Variants in KCNH1 observed in about 807,000 individuals in gnomAD.
KCNH1 encodes the protein potassium voltage-gated channel subfamily H member 1.
A neutral mutation model predicts 69.2 loss-of-function variants in KCNH1; 27 were observed. The observed-to-expected ratio is 0.39, with a 90% CI of 0.29 to 0.54. The LOEUF (loss-of-function observed/expected upper bound fraction) is 0.54, where lower values mean the gene tolerates loss of function less well. Ranked by LOEUF, KCNH1 falls within the 20% of genes least tolerant of loss-of-function variation. KCNH1 has a pLI of 0.68. For synonymous variants in KCNH1, 456 were observed against 487.7 expected, an observed-to-expected ratio of 0.93 and a Z score of 0.86; for missense variants, 798 against 1,261.6, an observed-to-expected ratio of 0.63 and a Z score of 5.57.
At chr1:210,787,311 G>C (rs1312904993) in intron 9 of KCNH1, among the ~76,000 whole-genome samples, 4 of 152,160 alleles carry the variant, frequency 2.6e-5, no homozygotes, top group Non-Finnish European at 5.9e-5. Flanking sequence ...CTCTCAGGAA[G>C]CCATCCTTGA....
At chr1:211,033,530 A>G (rs1689833132) in intron 5 of KCNH1, among the ~76,000 whole-genome samples, 1 of 152,218 alleles carries the variant, frequency 6.6e-6, no homozygotes, top group Non-Finnish European at 1.5e-5. Flanking sequence ...TCCATCAATG[A>G]TAGACTGGAT....
chr1:210,785,360 G>A (rs574408065), intron 9 of KCNH1, among the ~76,000 whole-genome samples: 5 of 151,632 alleles, frequency 3.3e-5, no homozygotes, highest in Non-Finnish European at 5.9e-5. Flanking sequence ...TAAACTTCTT[G>A]GTAGTCTTAT....
intron 1 of KCNH1, among the ~76,000 whole-genome samples, chr1:211,112,395 G>A (rs560089367): frequency 2.6e-5 from 4 of 151,070 alleles, no homozygotes; most frequent in East Asian, 3.9e-4. Flanking sequence ...CCTCTGCCCC[G>A]CCGCTGTGCA....
intron 5 of KCNH1, among the ~76,000 whole-genome samples, chr1:211,041,662 T>C (rs1689997665): frequency 6.6e-6 from 1 of 152,188 alleles, no homozygotes; most frequent in Non-Finnish European, 1.5e-5. Flanking sequence ...AAATAAGATC[T>C]ACATTCTTGC....
At chr1:210,891,095 G>A (rs1418622411) in intron 7 of KCNH1, among the ~76,000 whole-genome samples, 2 of 152,180 alleles carry the variant, frequency 1.3e-5, no homozygotes, top group Non-Finnish European at 2.9e-5. Context: ...GCACACGTAT[G>A]TTTATTGCGG....
At chr1:211,059,115 C>G (rs541205797) in intron 5 of KCNH1, among the ~76,000 whole-genome samples, 138 of 151,632 alleles carry the variant, frequency 9.1e-4, no homozygotes, top group Admixed American at 2.4e-3. Context: ...CCTGTCTCTA[C>G]TGAAAATACA....
chr1:210,738,613 C>G (rs112942743), intron 10 of KCNH1, among the ~76,000 whole-genome samples: 1 of 135,550 alleles, frequency 7.4e-6, no homozygotes, highest in Admixed American at 8.4e-5. Flanking sequence ...TCACTAGGCT[C>G]CGGTGCCGTG....
chr1:211,001,857 T>C (rs1423157752), intron 6 of KCNH1, among the ~76,000 whole-genome samples: 1 of 147,506 alleles, frequency 6.8e-6, no homozygotes, highest in East Asian at 2.0e-4. Context: ...GTTCATGTCC[T>C]TTGTAGGGAC....
chr1:211,128,444 G>GT (rs1691821821), intron 1 of KCNH1, among the ~76,000 whole-genome samples: 1 of 151,962 alleles, frequency 6.6e-6, no homozygotes. Context: ...ACTATAGTGG[G>GT]TTTTTTTAGG....
chr1:211,124,350 TG>T (rs1241597759), intron 1 of KCNH1, among the ~76,000 whole-genome samples: 1 of 152,190 alleles, frequency 6.6e-6, no homozygotes, highest in Non-Finnish European at 1.5e-5. Context: ...CTGAATGGTC[TG>T]CACAAAATGT....
At chr1:210,735,399 T>C (rs995283203) in intron 10 of KCNH1, among the ~76,000 whole-genome samples, 1 of 147,162 alleles carries the variant, frequency 6.8e-6, no homozygotes, top group Non-Finnish European at 1.5e-5. Flanking sequence ...AAATGTTTGA[T>C]GTGTGAGTGA....
At chr1:210,835,422 T>C (rs942515341) in intron 7 of KCNH1, among the ~76,000 whole-genome samples, 1 of 152,238 alleles carries the variant, frequency 6.6e-6, no homozygotes, top group Admixed American at 6.5e-5. Context: ...CATTACCTTC[T>C]TAACACTTAT....
chr1:210,902,952 C>A (rs1295303814), intron 7 of KCNH1, among the ~76,000 whole-genome samples: 4 of 152,194 alleles, frequency 2.6e-5, no homozygotes, highest in Non-Finnish European at 4.4e-5. Context: ...AAAGTATAAG[C>A]TTTTTGGCAC....
chr1:210,684,181 A>G (rs373630825), intron 10 of KCNH1, 43 bp from the exon 11 acceptor site: 35 of 1,477,706 alleles, frequency 2.4e-5, no homozygotes, highest in African/African-American at 4.2e-5. Context: ...TGTTAGCCAC[A>G]TGCTGGCTGC....
intron 7 of KCNH1, among the ~76,000 whole-genome samples, chr1:210,917,661 G>T (rs1228488140): frequency 6.6e-6 from 1 of 152,068 alleles, no homozygotes; most frequent in Non-Finnish European, 1.5e-5. Context: ...TTCTGTAATG[G>T]ATACAATGAG....
At chr1:211,042,361 T>G (rs1690010852) in intron 5 of KCNH1, among the ~76,000 whole-genome samples, 1 of 152,152 alleles carries the variant, frequency 6.6e-6, no homozygotes, top group Non-Finnish European at 1.5e-5. Context: ...GAAAACAAAG[T>G]GCTTGTCTCT....
intron 5 of KCNH1, among the ~76,000 whole-genome samples, chr1:211,044,281 C>T (rs1182480188): frequency 6.6e-6 from 1 of 152,132 alleles, no homozygotes; most frequent in Non-Finnish European, 1.5e-5. Context: ...ATCAGTAGCT[C>T]TTCTGTACAC....
intron 9 of KCNH1, among the ~76,000 whole-genome samples, chr1:210,781,862 T>C (rs1251713958): frequency 6.6e-6 from 1 of 152,192 alleles, no homozygotes; most frequent in Non-Finnish European, 1.5e-5. Context: ...CAAGCCTAGG[T>C]TCAACCCATC....
At chr1:211,131,727 A>G (rs573618212) in intron 1 of KCNH1, among the ~76,000 whole-genome samples, 1 of 152,332 alleles carries the variant, frequency 6.6e-6, no homozygotes, top group South Asian at 2.1e-4. Context: ...AATATTATAA[A>G]AGGGATCACC....
Sources: allele counts gnomAD v4.1 joint callset (sites outside exome capture counted in the v4.1 genomes callset), GRCh38; gene constraint gnomAD v4.1.1; transcripts MANE v1.5; gene names NCBI Gene and HGNC (gene_info 2026-07-23, HGNC 2026-07-21).